CARHSP1: variants seen among roughly 807,000 people sequenced by gnomAD.
CARHSP1 encodes calcium-regulated heat-stable protein 1.
CARHSP1 carries 14 observed loss-of-function variants against 12.5 expected under a neutral mutation model. The observed-to-expected ratio is 1.12, with a 90% CI of 0.74 to 1.75. The LOEUF is 1.75. CARHSP1 is among the 40% of genes most tolerant of loss of function. The probability of loss-of-function intolerance (pLI) is 0.00; values close to 1 mark genes in which losing one functional copy is unlikely to be tolerated. For synonymous variants in CARHSP1, 161 were observed against 82.0 expected, an observed-to-expected ratio of 1.96 and a Z score of -5.20; for missense variants, 343 against 201.6, an observed-to-expected ratio of 1.70 and a Z score of -4.25.
In CARHSP1 at chr16:8,854,848, TACC is replaced by T; in HGVS notation, c.*313_*315del. On this transcript the variant is annotated 3_prime_UTR_variant, in exon 4 of 4. Transcript: ENST00000311052. ...CCATGTGTCTGAGCAGCTGGAGAAATACCACCCTTGATCCACTCCCTGGGATGG... is the reference window on the plus strand; with the variant it reads ...CCATGTGTCTGAGCAGCTGGAGAAATACCCTTGATCCACTCCCTGGGATGG... The T allele has an allele frequency of 4.5e-6, 1 of 219,970 alleles. No homozygotes were observed. Among genetic ancestry groups the T allele is most frequent in the Non-Finnish European group, 8.9e-6 (1 of 112,090 alleles). 13.6% of individuals were successfully genotyped at this position (219,970 alleles called of 1,614,324 possible).
intron 1 of CARHSP1, chr16:8,861,907 A>C (rs1360228420): frequency 1.3e-6 from 1 of 784,148 alleles, no homozygotes; most frequent in Non-Finnish European, 1.7e-6. Context: ...TGGCCTCGCA[A>C]CTCCACAGTT....
intron 3 of CARHSP1, 36 bp from the exon 4 acceptor site, chr16:8,855,362 C>G: frequency 6.9e-7 from 1 of 1,458,838 alleles, no homozygotes; most frequent in Non-Finnish European, 9.2e-7. Flanking sequence ...AGGGCTCACA[C>G]CGGGACACAG....
Position 8,858,431 on chromosome 16 carries a change from CAGACTCCTTTGT to C in CARHSP1, c.188_199del (p.Tyr63_Val66del). The C allele has an allele frequency of 6.2e-7, 1 of 1,614,070 alleles. No individual in the cohort carries two copies. The highest frequency in any genetic ancestry group is 8.5e-7 in the Non-Finnish European group (1 of 1,180,028). ...GCCCTTGGACCGGCAGAAGCATTTG[CAGACTCCTTTGT>C]AGACGGGGCCCTGTGAAGCCCGCAC... On this transcript the variant is annotated inframe_deletion, in exon 3 of 4. Coordinates refer to ENST00000311052, the MANE Select transcript of CARHSP1 (RefSeq NM_014316.4).
intron 1 of CARHSP1, chr16:8,867,497 C>CCCCT (rs1406406532): frequency 6.6e-6 from 1 of 152,430 alleles, no homozygotes; most frequent in East Asian, 1.9e-4. Flanking sequence ...CCCATTCCTG[C>CCCCT]CCCTGCTGAT....
chr16:8,853,349 A>T lies in CARHSP1; in HGVS notation c.*1815T>A, dbSNP rs1019183801. ...AATTCAAGGCTGGAGAGAAAAGGCC[A>T]CCTTTGACCCAGCAGAAGGCAGAGG... On this transcript the variant is annotated 3_prime_UTR_variant, in exon 4 of 4. Transcript: ENST00000311052. 2 of 152,090 alleles carry T rather than the reference A, an allele frequency of 1.3e-5. No homozygotes were observed. Among genetic ancestry groups the T allele is most frequent in the Non-Finnish European group, 2.9e-5 (2 of 68,144 alleles). The allele number at this position is 152,090 out of a possible 1,614,324, so 9.4% of individuals were successfully genotyped here.
intron 1 of CARHSP1, chr16:8,866,551 G>A (rs2061458662): frequency 2.7e-6 from 2 of 742,952 alleles, no homozygotes; most frequent in Non-Finnish European, 3.3e-6. Flanking sequence ...GGGCGGGTCA[G>A]CTGAGCCCAG....
intron 1 of CARHSP1, chr16:8,866,568 G>A (rs1170946645): frequency 1.8e-6 from 1 of 561,356 alleles, no homozygotes. Flanking sequence ...CCAGATAGAA[G>A]GGTCCCTGGA....
intron 1 of CARHSP1, chr16:8,866,347 G>C: frequency 2.5e-6 from 2 of 784,828 alleles, no homozygotes; most frequent in Non-Finnish European, 3.1e-6. Context: ...CACAGCCCAA[G>C]GCTTAACAGT....
chr16:8,866,014 C>T (rs1331472022), intron 1 of CARHSP1, among the ~76,000 whole-genome samples: 1 of 152,100 alleles, frequency 6.6e-6, no homozygotes, highest in Non-Finnish European at 1.5e-5. Flanking sequence ...AGTTTGGTGG[C>T]ACAATCATGG....
chr16:8,857,277 T>TTTTTGTTTTTTG (rs1567181195), intron 3 of CARHSP1, among the ~76,000 whole-genome samples: 3 of 65,906 alleles, frequency 4.6e-5, no homozygotes, highest in Non-Finnish European at 8.0e-5. Flanking sequence ...TTTTTTTTTT[T>TTTTTGTTTTTTG]TTTTTTTTTT....
At chr16:8,861,577 G>A in intron 1 of CARHSP1, 2 of 1,270,972 alleles carry the variant, frequency 1.6e-6, no homozygotes, top group African/African-American at 1.5e-5. Flanking sequence ...CCCCTCCCCA[G>A]ACATTGCTGC....
chr16:8,867,507 T>G (rs532798819), intron 1 of CARHSP1: 13 of 152,474 alleles, frequency 8.5e-5, no homozygotes, highest in African/African-American at 3.1e-4. Context: ...CCCCTGCTGA[T>G]GGAACACAAA....
In CARHSP1 at chr16:8,859,430, G is replaced by A. The variant is rs543042824; in HGVS notation, c.-7-95C>T. 329 of 1,143,816 alleles carry A rather than the reference G, an allele frequency of 2.9e-4. No individual in the cohort carries two copies. In the African/African-American group the frequency reaches 4.5e-3, roughly 16 times the overall value. The allele number at this position is 1,143,816 out of a possible 1,614,324, so 70.9% of individuals were successfully genotyped here. ...CACGTCTGACAGTCCAGTATCTGAGGCTCATTCCTCTCGGGCACCTCAGCA... is the reference window on the plus strand; with the variant it reads ...CACGTCTGACAGTCCAGTATCTGAGACTCATTCCTCTCGGGCACCTCAGCA... On this transcript the variant is annotated intron_variant, in intron 1 of 3. Transcript: ENST00000311052.
chr16:8,855,349 G>C, intron 3 of CARHSP1, 23 bp from the exon 4 acceptor site: 1 of 1,502,130 alleles, frequency 6.7e-7, no homozygotes, highest in Non-Finnish European at 9.0e-7. Context: ...AAATAAAGCA[G>C]TCAGGGCTCA....
chr16:8,868,032 A>G (rs1596332657), intron 1 of CARHSP1: 1 of 152,384 alleles, frequency 6.6e-6, no homozygotes, highest in East Asian at 1.9e-4. Flanking sequence ...ACAGCAAGTT[A>G]AAAAACAGTA....
intron 1 of CARHSP1, chr16:8,866,317 C>T (rs575630920): frequency 1.0e-4 from 50 of 491,304 alleles, no homozygotes; most frequent in East Asian, 1.5e-4. Flanking sequence ...CGGCAGTAGC[C>T]GGGCTACACT....
chr16:8,867,915 G>C (rs1036387261), intron 1 of CARHSP1: 1 of 152,352 alleles, frequency 6.6e-6, no homozygotes, highest in African/African-American at 2.4e-5. Flanking sequence ...TTTTCAGCGT[G>C]GGGTAGATCT....
chr16:8,860,657 CCTAA>C (rs35738991), intron 1 of CARHSP1: 159,236 of 196,250 alleles, frequency 0.81, 65,252 homozygotes, highest in Middle Eastern at 0.84. Context: ...TAGGGAGAAG[CCTAA>C]CTAACTCAGG....
rs1031411728 is a variant in CARHSP1 at position 8,853,570 on chromosome 16, GAAGCTGTTC to G, written c.*1585_*1593del. 2 of 152,192 alleles carry G rather than the reference GAAGCTGTTC, an allele frequency of 1.3e-5. No homozygotes were observed. The highest frequency in any genetic ancestry group is 4.8e-5 in the African/African-American group (2 of 41,452). The allele number at this position is 152,192 out of a possible 1,614,324, so 9.4% of individuals were successfully genotyped here. A position where few individuals can be genotyped will look rare whatever the true frequency, so the allele number is the denominator to read the frequency against. ...CAGAGTTGAGGAGTACCTACCTGAT[GAAGCTGTTC>G]ATGCTTCCAGCATCAAACTGGACGT... On this transcript the variant is annotated 3_prime_UTR_variant, in exon 4 of 4. Coordinates refer to ENST00000311052, the MANE Select transcript of CARHSP1 (RefSeq NM_014316.4).
Sources: allele counts gnomAD v4.1 joint callset (sites outside exome capture counted in the v4.1 genomes callset), GRCh38; gene constraint gnomAD v4.1.1; transcripts MANE v1.5; gene names NCBI Gene and HGNC (gene_info 2026-07-23, HGNC 2026-07-21).